Variants in ADAMTS16 observed in about 807,000 individuals in gnomAD.
The protein encoded by ADAMTS16 is A disintegrin and metalloproteinase with thrombospondin motifs 16.
ADAMTS16 carries 94 observed loss-of-function variants against 145.8 expected under a neutral mutation model. That is an observed-to-expected ratio of 0.64 (90% CI 0.55 to 0.77). The LOEUF (loss-of-function observed/expected upper bound fraction) is 0.77. Ranked by LOEUF, ADAMTS16 falls within the 30% of genes least tolerant of loss-of-function variation. The pLI, the probability that ADAMTS16 is intolerant of heterozygous loss-of-function variation, is 0.00. For missense variants in ADAMTS16, 1,585 were observed against 1,591.5 expected (o/e 1.00, Z 0.07); for synonymous variants, 659 against 604.3 (o/e 1.09, Z -1.33).
At chr5:5,224,049 C>T (rs114609964) in intron 11 of ADAMTS16, among the ~76,000 whole-genome samples, 1,601 of 152,074 alleles carry the variant, frequency 0.011, 11 homozygotes, top group Non-Finnish European at 0.017. Flanking sequence ...TGCTAACACA[C>T]GTTTTCAGGT....
intron 17 of ADAMTS16, among the ~76,000 whole-genome samples, chr5:5,246,261 G>C (rs1737435481): frequency 6.6e-6 from 1 of 152,166 alleles, no homozygotes; most frequent in South Asian, 2.1e-4. Context: ...TGTCCAACAT[G>C]TATGCTGTAA....
At chr5:5,262,993 T>C (rs1738088109) in intron 18 of ADAMTS16, among the ~76,000 whole-genome samples, 1 of 152,236 alleles carries the variant, frequency 6.6e-6, no homozygotes, top group Non-Finnish European at 1.5e-5. Flanking sequence ...TGACTGTAAG[T>C]GGACATTCTT....
intron 18 of ADAMTS16, among the ~76,000 whole-genome samples, chr5:5,293,653 G>A (rs1739416561): frequency 6.6e-6 from 1 of 152,182 alleles, no homozygotes; most frequent in African/African-American, 2.4e-5. Flanking sequence ...CAGTGTGCTT[G>A]CAGTGAGCTT....
At chr5:5,250,310 G>C (rs9686505) in intron 17 of ADAMTS16, among the ~76,000 whole-genome samples, 5,805 of 152,178 alleles carry the variant, frequency 0.038, 122 homozygotes, top group Middle Eastern at 0.058. Flanking sequence ...ATCCTATAGG[G>C]GAACTGTTCT....
intron 10 of ADAMTS16, among the ~76,000 whole-genome samples, chr5:5,216,895 C>T (rs1261148291): frequency 4.6e-5 from 7 of 150,614 alleles, no homozygotes; most frequent in South Asian, 2.1e-4. Flanking sequence ...CTGAGAATGA[C>T]GATTTCCAAT....
chr5:5,202,100 G>C (rs891449915), intron 9 of ADAMTS16, among the ~76,000 whole-genome samples: 1 of 152,124 alleles, frequency 6.6e-6, no homozygotes, highest in South Asian at 2.1e-4. Context: ...ACCTGGGGCT[G>C]GATTGCCCCT....
At chr5:5,233,048 C>T (rs1175277039) in intron 12 of ADAMTS16, among the ~76,000 whole-genome samples, 2 of 151,790 alleles carry the variant, frequency 1.3e-5, no homozygotes, top group Non-Finnish European at 2.9e-5. Flanking sequence ...AAAAAAATAA[C>T]AGCAGCAACA....
At chr5:5,206,983 G>T (rs1736143571) in intron 9 of ADAMTS16, among the ~76,000 whole-genome samples, 1 of 152,096 alleles carries the variant, frequency 6.6e-6, no homozygotes, top group Non-Finnish European at 1.5e-5. Flanking sequence ...TTGAAGTTAG[G>T]TATTGTCAGT....
chr5:5,220,061 G>A (rs1736548098), intron 10 of ADAMTS16, among the ~76,000 whole-genome samples: 1 of 151,904 alleles, frequency 6.6e-6, no homozygotes, highest in Non-Finnish European at 1.5e-5. Flanking sequence ...AGGAGCAAAT[G>A]ACTACATGTT....
chr5:5,237,931 A>G lies in ADAMTS16; in HGVS notation c.2154+832A>G, dbSNP rs1364625254. On this transcript the variant is annotated intron_variant, in intron 14 of 22. Coordinates refer to ENST00000274181, the MANE Select transcript of ADAMTS16 (RefSeq NM_139056.4). ...GGTGTTAGCAGATCAAACACATTGC[A>G]TGTAGACAATGGGGTTTCAAATGAA... Among the ~76,000 whole-genome samples the G allele has an allele frequency of 3.3e-5, 5 of 152,216 alleles. No individual in the cohort carries two copies. The East Asian group carries it at 9.6e-4, about 29-fold the overall frequency.
chr5:5,211,118 C>T (rs1736263130), intron 10 of ADAMTS16, among the ~76,000 whole-genome samples: 1 of 152,082 alleles, frequency 6.6e-6, no homozygotes. Context: ...TTGACAGTAT[C>T]CCTTCCTCTT....
At chr5:5,305,264 A>C (rs1740053447) in intron 20 of ADAMTS16, among the ~76,000 whole-genome samples, 1 of 29,750 alleles carries the variant, frequency 3.4e-5, no homozygotes. Flanking sequence ...CACACACACA[A>C]TCCCACACCA....
chr5:5,203,480 G>C (rs191197310), intron 9 of ADAMTS16, among the ~76,000 whole-genome samples: 2 of 152,172 alleles, frequency 1.3e-5, no homozygotes, highest in East Asian at 3.9e-4. Flanking sequence ...CTTATTAGTA[G>C]TCTAGCATTT....
chr5:5,189,181 G>T (rs1735589769), intron 6 of ADAMTS16, among the ~76,000 whole-genome samples: 1 of 152,308 alleles, frequency 6.6e-6, no homozygotes, highest in South Asian at 2.1e-4. Context: ...CTGAAGCTGA[G>T]GTAATTAAAC....
chr5:5,285,727 G>C (rs1239943904), intron 18 of ADAMTS16, among the ~76,000 whole-genome samples: 1 of 152,190 alleles, frequency 6.6e-6, no homozygotes, highest in Non-Finnish European at 1.5e-5. Context: ...TGCAATAGAT[G>C]TTGATTTCTT....
At chr5:5,291,950 A>C (rs1461561506) in intron 18 of ADAMTS16, among the ~76,000 whole-genome samples, 1 of 152,224 alleles carries the variant, frequency 6.6e-6, no homozygotes, top group East Asian at 1.9e-4. Flanking sequence ...TCAACTGGTC[A>C]ACAAATGTTT....
At chr5:5,145,793 A>C (rs1286968007) in intron 2 of ADAMTS16, among the ~76,000 whole-genome samples, 3 of 152,166 alleles carry the variant, frequency 2.0e-5, no homozygotes, top group African/African-American at 7.2e-5. Flanking sequence ...CCTTCCCCTG[A>C]CTCAGCTACA....
At chr5:5,195,377 G>A (rs2126583504) in intron 8 of ADAMTS16, among the ~76,000 whole-genome samples, 1 of 152,282 alleles carries the variant, frequency 6.6e-6, no homozygotes, top group African/African-American at 2.4e-5. Context: ...GAATCCATCT[G>A]AAAAATTCCC....
At chr5:5,146,507 A>G (rs758028917) in intron 3 of ADAMTS16, 52 bp downstream of exon 3, 9 of 1,524,074 alleles carry the variant, frequency 5.9e-6, no homozygotes, top group African/African-American at 1.4e-5. Context: ...GATGGTGGAA[A>G]GGAGAGCGTA....
Sources: allele counts gnomAD v4.1 joint callset (sites outside exome capture counted in the v4.1 genomes callset), GRCh38; gene constraint gnomAD v4.1.1; transcripts MANE v1.5; gene names NCBI Gene and HGNC (gene_info 2026-07-23, HGNC 2026-07-21).